OR14I1: variants seen among roughly 807,000 people sequenced by gnomAD.
OR14I1 encodes olfactory receptor 14I1.
For missense variants in OR14I1, 279 were observed against 181.8 expected (o/e 1.53, Z -3.07); for synonymous variants, 118 against 71.1 (o/e 1.66, Z -3.32).
the OR14I1 span, among the ~76,000 whole-genome samples, chr1:248,701,381 G>A: frequency 7.8e-4 from 118 of 152,072 alleles, 1 homozygote; most frequent in African/African-American, 2.6e-3. Flanking sequence ...CTCAAACTCC[G>A]GACCTCAAGT....
At chr1:248,684,757 C>CATATAT (rs376621560), upstream of OR14I1, among the ~76,000 whole-genome samples, 42 of 145,064 alleles carry the variant, frequency 2.9e-4, 1 homozygote, top group African/African-American at 1.1e-3. Flanking sequence ...CACACACATA[C>CATATAT]ATATATATAT....
At chr1:248,695,242 T>G in the OR14I1 span, among the ~76,000 whole-genome samples, 31 of 126,320 alleles carry the variant, frequency 2.5e-4, no homozygotes, top group African/African-American at 1.0e-3. Flanking sequence ...TTTTTTTTTT[T>G]TTTTTTTTTG....
the OR14I1 span, among the ~76,000 whole-genome samples, chr1:248,690,556 G>A: frequency 0.98 from 139,976 of 142,962 alleles, 68,588 homozygotes; most frequent in East Asian, 1. Flanking sequence ...CAATAGACCA[G>A]TAACAAGTTC....
At chr1:248,700,066 T>C in the OR14I1 span, among the ~76,000 whole-genome samples, 1 of 152,240 alleles carries the variant, frequency 6.6e-6, no homozygotes, top group Non-Finnish European at 1.5e-5. Flanking sequence ...GGCCCACTGC[T>C]GACTACTTAG....
chr1:248,681,637 A>G (rs773347742), exon 1 of OR14I1: 5 of 781,044 alleles, frequency 6.4e-6, no homozygotes, highest in Non-Finnish European at 1.2e-5. Flanking sequence ...GATTCTGAGC[A>G]CCGTTGAGAA....
downstream of OR14I1, among the ~76,000 whole-genome samples, chr1:248,680,888 C>T (rs1661546498): frequency 6.6e-6 from 1 of 151,754 alleles, no homozygotes; most frequent in Admixed American, 6.6e-5. Flanking sequence ...CTAAAACATA[C>T]GTTCCTGTTC....
At chr1:248,687,736 G>A in the OR14I1 span, among the ~76,000 whole-genome samples, 3 of 152,212 alleles carry the variant, frequency 2.0e-5, no homozygotes, top group African/African-American at 7.2e-5. Context: ...CCAGACATAG[G>A]AGCAAAGTAG....
At chr1:248,683,563 G>A (rs1661597272), upstream of OR14I1, among the ~76,000 whole-genome samples, 1 of 152,104 alleles carries the variant, frequency 6.6e-6, no homozygotes, top group African/African-American at 2.4e-5. Flanking sequence ...TTATAAGACA[G>A]GTAGAACCTA....
upstream of OR14I1, among the ~76,000 whole-genome samples, chr1:248,684,335 A>G (rs1018866157): frequency 6.6e-6 from 1 of 152,258 alleles, no homozygotes; most frequent in East Asian, 1.9e-4. Flanking sequence ...TAAAGTCTCG[A>G]CAAACATGTG....
At chr1:248,685,063 T>C (rs1390513711), upstream of OR14I1, among the ~76,000 whole-genome samples, 1 of 151,972 alleles carries the variant, frequency 6.6e-6, no homozygotes, top group Admixed American at 6.6e-5. Context: ...AATACTTTTG[T>C]GTGTTATAAA....
chr1:248,698,869 C>T, the OR14I1 span: 2 of 152,266 alleles, frequency 1.3e-5, no homozygotes, highest in South Asian at 2.1e-4. Context: ...GTATTCGTGA[C>T]GTAGCCATTG....
the OR14I1 span, among the ~76,000 whole-genome samples, chr1:248,701,091 G>T: frequency 2.0e-5 from 3 of 152,070 alleles, no homozygotes; most frequent in African/African-American, 7.2e-5. Context: ...TTGGTAAAAA[G>T]ATATGACACT....
the OR14I1 span, among the ~76,000 whole-genome samples, chr1:248,702,236 G>A: frequency 6.6e-6 from 1 of 152,134 alleles, no homozygotes; most frequent in South Asian, 2.1e-4. Context: ...ACAATCCAAA[G>A]TCTTATCTGA....
exon 1 of OR14I1, chr1:248,682,228 G>A: frequency 1.3e-6 from 1 of 780,298 alleles, no homozygotes; most frequent in East Asian, 2.4e-5. Flanking sequence ...AAACAGCCCG[G>A]CGTGCAGCAC....
the OR14I1 span, among the ~76,000 whole-genome samples, chr1:248,692,996 G>A: frequency 2.6e-5 from 4 of 152,152 alleles, no homozygotes; most frequent in Non-Finnish European, 4.4e-5. Flanking sequence ...CATCCAAGTA[G>A]TTCTACTTCC....
At chr1:248,702,247 G>A in the OR14I1 span, among the ~76,000 whole-genome samples, 195 of 152,194 alleles carry the variant, frequency 1.3e-3, 1 homozygote, top group African/African-American at 4.5e-3. Context: ...TCTTATCTGA[G>A]GCAAGAAAGT....
chr1:248,681,248 G>GTT (rs1054918612), downstream of OR14I1: 12 of 509,564 alleles, frequency 2.4e-5, no homozygotes, highest in Admixed American at 7.6e-5. Context: ...CATTCAACAG[G>GTT]TTTTTTTTTT....
At chr1:248,692,604 T>C in the OR14I1 span, 1 of 152,598 alleles carries the variant, frequency 6.6e-6, no homozygotes, top group Non-Finnish European at 1.5e-5. Flanking sequence ...TGTTGGGCAG[T>C]GTACTCATCA....
downstream of OR14I1, chr1:248,681,264 T>C (rs1326164446): frequency 3.5e-6 from 2 of 564,752 alleles, no homozygotes; most frequent in East Asian, 2.8e-5. Context: ...TTTTTCAGGA[T>C]TTTTCATCAT....
Sources: gnomAD v4.1 joint callset for allele counts (sites outside exome capture counted in the v4.1 genomes callset) on GRCh38, gnomAD v4.1.1 for gene constraint, MANE v1.5 for transcripts, NCBI Gene and HGNC (gene_info 2026-07-23, HGNC 2026-07-21) for gene names.